EPHA3: variants seen among roughly 807,000 people sequenced by gnomAD.
EPHA3 encodes the protein ephrin type-A receptor 3.
EPHA3 carries 42 observed loss-of-function variants against 107.1 expected under a neutral mutation model. The ratio of observed to expected loss-of-function variants is 0.39; its 90% CI spans 0.31 to 0.51. The LOEUF is 0.51. Ranked by LOEUF, EPHA3 falls within the 20% of genes least tolerant of loss-of-function variation. The probability of loss-of-function intolerance (pLI) is 0.78; values close to 1 mark genes in which losing one functional copy is unlikely to be tolerated. For missense variants in EPHA3, 1,183 were observed against 1,211.2 expected, an observed-to-expected ratio of 0.98 and a Z score of 0.35; for synonymous variants, 461 against 424.8, an observed-to-expected ratio of 1.09 and a Z score of -1.05.
Position 89,210,138 on chromosome 3 carries a change from C to T in EPHA3, c.432C>T (p.Asp144=), listed in dbSNP as rs2107181985. Residue 144 remains aspartate (D), a synonymous_variant, in exon 3 of 17, where the codon GAC becomes GAT. Coordinates refer to ENST00000336596, the MANE Select transcript of EPHA3 (RefSeq NM_005233.6). ...KFREHQFTKI[D]TIAADESFTQ... ...GAGAGCATCAGTTTACAAAGATTGA[C>T]ACCATTGCAGCTGATGAAAGTTTCA... 6.2e-7 allele frequency: 1 copy of T among 1,613,946 alleles called. No homozygotes were observed. Among genetic ancestry groups the T allele is most frequent in the Non-Finnish European group, 8.5e-7 (1 of 1,179,908 alleles).
At chr3:89,428,807 A>C (rs1400883621) in intron 11 of EPHA3, among the ~76,000 whole-genome samples, 2 of 152,062 alleles carry the variant, frequency 1.3e-5, no homozygotes, top group Non-Finnish European at 2.9e-5. Context: ...GATAAGTGAG[A>C]ATTTAATTAA....
intron 3 of EPHA3, among the ~76,000 whole-genome samples, chr3:89,232,283 G>A (rs1170257953): frequency 6.6e-6 from 1 of 152,100 alleles, no homozygotes; most frequent in Admixed American, 6.5e-5. Context: ...GTTGGGCAAG[G>A]AAGACTCATT....
At chr3:89,300,794 A>G (rs1222804331) in intron 3 of EPHA3, among the ~76,000 whole-genome samples, 9 of 152,032 alleles carry the variant, frequency 5.9e-5, no homozygotes, top group Non-Finnish European at 8.8e-5. Context: ...GGTGAGGCCA[A>G]TTTTTAAAAA....
At chr3:89,228,144 A>T (rs1704541927) in intron 3 of EPHA3, among the ~76,000 whole-genome samples, 1 of 152,046 alleles carries the variant, frequency 6.6e-6, no homozygotes, top group African/African-American at 2.4e-5. Context: ...CCCCAGATAA[A>T]ATGCCTACTC....
At chr3:89,424,449 G>A (rs1366706101) in intron 11 of EPHA3, among the ~76,000 whole-genome samples, 3 of 151,106 alleles carry the variant, frequency 2.0e-5, no homozygotes, top group African/African-American at 7.3e-5. Context: ...AACTTTAAAA[G>A]CATTTCTTTT....
chr3:89,247,041 A>G lies in EPHA3; in HGVS notation c.814+36521A>G, dbSNP rs572719581. On this transcript the variant is annotated intron_variant, in intron 3 of 16. Coordinates refer to ENST00000336596, the MANE Select transcript of EPHA3 (RefSeq NM_005233.6). ...TGATAAGAGTCTTCAGTACCATTCAACGAGTACTTCTTGAGCATCTACTCT... is the reference window on the plus strand; with the variant it reads ...TGATAAGAGTCTTCAGTACCATTCAGCGAGTACTTCTTGAGCATCTACTCT... 3.9e-5 allele frequency among the ~76,000 whole-genome samples: 6 copies of G among 152,306 alleles called. No individual in the cohort carries two copies. In the South Asian group the frequency reaches 8.3e-4, roughly 21 times the overall value.
chr3:89,428,356 A>T (rs965460254), intron 11 of EPHA3, among the ~76,000 whole-genome samples: 1 of 152,038 alleles, frequency 6.6e-6, no homozygotes, highest in African/African-American at 2.4e-5. Context: ...TATATAAATT[A>T]ATTACACCAG....
intron 16 of EPHA3, among the ~76,000 whole-genome samples, chr3:89,476,707 A>C (rs1254267140): frequency 6.6e-6 from 1 of 151,402 alleles, no homozygotes; most frequent in Non-Finnish European, 1.5e-5. Flanking sequence ...TCCTGGGTTC[A>C]CGCCATTCTC....
intron 5 of EPHA3, among the ~76,000 whole-genome samples, chr3:89,382,430 C>T (rs574004755): frequency 6.6e-6 from 1 of 151,174 alleles, no homozygotes; most frequent in East Asian, 1.9e-4. Flanking sequence ...ATCACTTGAA[C>T]CAAGGAAGTG....
chr3:89,123,072 C>T (rs1707424891), intron 1 of EPHA3, among the ~76,000 whole-genome samples: 1 of 152,098 alleles, frequency 6.6e-6, no homozygotes, highest in African/African-American at 2.4e-5. Context: ...ATCTAGGTTT[C>T]CTCCTTTCCA....
intron 5 of EPHA3, among the ~76,000 whole-genome samples, chr3:89,371,382 C>A (rs1708297885): frequency 6.6e-6 from 1 of 151,658 alleles, no homozygotes; most frequent in South Asian, 2.1e-4. Context: ...CTATCGTCGA[C>A]ATTTTGGTAC....
At chr3:89,479,348 T>C in intron 16 of EPHA3, 49 bp from the exon 17 acceptor site, 1 of 1,455,366 alleles carries the variant, frequency 6.9e-7, no homozygotes. Context: ...ATCTCCTGCT[T>C]ATACACTATC....
intron 2 of EPHA3, among the ~76,000 whole-genome samples, chr3:89,149,403 C>G (rs1449401691): frequency 1.3e-5 from 2 of 151,886 alleles, no homozygotes; most frequent in Non-Finnish European, 2.9e-5. Flanking sequence ...GGTATGTCAT[C>G]CATCAGACAC....
intron 15 of EPHA3, among the ~76,000 whole-genome samples, chr3:89,453,070 A>G (rs1044856100): frequency 2.0e-5 from 3 of 152,140 alleles, no homozygotes; most frequent in Admixed American, 1.3e-4. Flanking sequence ...CAAACTTCAC[A>G]GAGACTGTAT....
rs1205132450 is a variant in EPHA3, at chr3:89,341,967, A to C, written c.1183A>C (p.Thr395Pro). 4 of 1,613,310 alleles carry C rather than the reference A, an allele frequency of 2.5e-6. No individual in the cohort carries two copies. Among genetic ancestry groups the C allele is most frequent in the South Asian group, 1.1e-5 (1 of 90,988 alleles). ...RQFGLTNTTV[T>P]VTDLLAHTNY... ...GTTTGGACTCACCAACACCACGGTG[A>C]CAGTGACAGACCTTCTGGCACATAC... The change falls in exon 5 of 17, where the codon ACA becomes CCA. Residue 395 changes from threonine to proline, a missense_variant. Coordinates refer to ENST00000336596, the MANE Select transcript of EPHA3 (RefSeq NM_005233.6).
At chr3:89,351,951 G>T (rs1259296171) in intron 5 of EPHA3, among the ~76,000 whole-genome samples, 1 of 149,536 alleles carries the variant, frequency 6.7e-6, no homozygotes, top group African/African-American at 2.4e-5. Context: ...AGTGGAGAAG[G>T]AAGAAGACCA....
At chr3:89,291,059 C>T (rs1706197148) in intron 3 of EPHA3, among the ~76,000 whole-genome samples, 1 of 152,078 alleles carries the variant, frequency 6.6e-6, no homozygotes, top group African/African-American at 2.4e-5. Context: ...CCTTTGTAGT[C>T]AGCATAATGT....
chr3:89,158,862 A>G (rs1214314247), intron 2 of EPHA3, among the ~76,000 whole-genome samples: 1 of 152,142 alleles, frequency 6.6e-6, no homozygotes, highest in Admixed American at 6.6e-5. Flanking sequence ...AGGCAAATAC[A>G]TATGAAAAAA....
intron 5 of EPHA3, among the ~76,000 whole-genome samples, chr3:89,357,189 G>C (rs1371929722): frequency 6.8e-6 from 1 of 146,448 alleles, no homozygotes; most frequent in Non-Finnish European, 1.5e-5. Flanking sequence ...ACGGTGATAC[G>C]GGAAGAAACC....
Sources: allele counts gnomAD v4.1 joint callset (sites outside exome capture counted in the v4.1 genomes callset), GRCh38; gene constraint gnomAD v4.1.1; transcripts MANE v1.5; gene names NCBI Gene and HGNC (gene_info 2026-07-23, HGNC 2026-07-21).